TMEM117: variants seen among roughly 807,000 people sequenced by gnomAD.
The protein encoded by TMEM117 is transmembrane protein 117.
Under a neutral mutation model 52.4 loss-of-function variants are expected in TMEM117, and 27 were observed. The ratio of observed to expected loss-of-function variants is 0.51; its 90% confidence interval spans 0.38 to 0.71. TMEM117 has a LOEUF of 0.71. Ranked by LOEUF, TMEM117 falls within the 30% of genes least tolerant of loss-of-function variation. The probability of loss-of-function intolerance (pLI) is 0.00; values close to 1 mark genes in which losing one functional copy is unlikely to be tolerated. For missense variants in TMEM117, 556 were observed against 630.5 expected (o/e 0.88, Z 1.26); for synonymous variants, 215 against 206.3 (o/e 1.04, Z -0.36).
intron 6 of TMEM117, among the ~76,000 whole-genome samples, chr12:44,348,724 G>C (rs1337006265): frequency 6.6e-6 from 1 of 151,860 alleles, no homozygotes; most frequent in Non-Finnish European, 1.5e-5. Context: ...TAAGAAAAGG[G>C]GATATTGGTA....
chr12:44,247,061 T>G (rs1461596905), intron 5 of TMEM117, among the ~76,000 whole-genome samples: 1 of 152,216 alleles, frequency 6.6e-6, no homozygotes, highest in African/African-American at 2.4e-5. Context: ...TTAATAAATT[T>G]GGCACTCTTA....
chr12:43,808,812 G>GAAAAA, the TMEM117 span, among the ~76,000 whole-genome samples: 1 of 80,814 alleles, frequency 1.2e-5, no homozygotes, highest in Admixed American at 1.4e-4. Flanking sequence ...TCAAAGGGGA[G>GAAAAA]AAAAAAAAAA....
chr12:44,342,395 G>A (rs1163983665), intron 6 of TMEM117, among the ~76,000 whole-genome samples: 1 of 152,144 alleles, frequency 6.6e-6, no homozygotes, highest in Non-Finnish European at 1.5e-5. Flanking sequence ...TTGGGAGAAG[G>A]TGGTAAAGCA....
chr12:44,170,170 C>T (rs538453263), intron 4 of TMEM117, among the ~76,000 whole-genome samples: 2 of 151,994 alleles, frequency 1.3e-5, no homozygotes, highest in African/African-American at 4.8e-5. Context: ...TGGAAACCAT[C>T]ATTCTCAGCA....
intron 3 of TMEM117, among the ~76,000 whole-genome samples, chr12:44,074,198 C>T (rs542303946): frequency 1.3e-5 from 2 of 152,232 alleles, no homozygotes; most frequent in South Asian, 4.2e-4. Flanking sequence ...ATACCAGTTG[C>T]ATTATAGTCA....
At chr12:44,092,572 C>T (rs1471076412) in intron 3 of TMEM117, among the ~76,000 whole-genome samples, 1 of 152,176 alleles carries the variant, frequency 6.6e-6, no homozygotes, top group Non-Finnish European at 1.5e-5. Context: ...ACCTCTCGCC[C>T]ACACATAGGA....
intron 3 of TMEM117, among the ~76,000 whole-genome samples, chr12:44,034,973 C>T (rs551857816): frequency 6.6e-6 from 1 of 152,322 alleles, no homozygotes; most frequent in East Asian, 1.9e-4. Flanking sequence ...TGCTTCTCGC[C>T]TTAAGCTGGA....
chr12:44,137,648 C>T (rs1450057102), intron 3 of TMEM117, among the ~76,000 whole-genome samples: 5 of 152,120 alleles, frequency 3.3e-5, no homozygotes, highest in South Asian at 2.1e-4. Flanking sequence ...TCACATCTTA[C>T]GTGGATGGCG....
chr12:44,292,974 C>T (rs551780955), intron 5 of TMEM117, among the ~76,000 whole-genome samples: 9 of 151,884 alleles, frequency 5.9e-5, no homozygotes, highest in South Asian at 2.1e-4. Context: ...TCCATTGTTT[C>T]GTTGTTGATT....
At chr12:43,945,862 G>A (rs138183727) in intron 3 of TMEM117, among the ~76,000 whole-genome samples, 9 of 152,190 alleles carry the variant, frequency 5.9e-5, no homozygotes, top group East Asian at 3.9e-4. Context: ...TTGATGTTAC[G>A]TATAGATTTT....
At chr12:44,163,207 G>T (rs1377874543) in intron 4 of TMEM117, among the ~76,000 whole-genome samples, 1 of 152,152 alleles carries the variant, frequency 6.6e-6, no homozygotes, top group Admixed American at 6.5e-5. Context: ...CCACATTTAA[G>T]AAATAAGATT....
intron 4 of TMEM117, among the ~76,000 whole-genome samples, chr12:44,157,816 A>G (rs930388304): frequency 4.6e-5 from 7 of 152,142 alleles, no homozygotes; most frequent in African/African-American, 1.2e-4. Context: ...CCCATTTATT[A>G]AAATAAGTGA....
At chr12:44,140,587 A>T (rs566275682) in intron 3 of TMEM117, among the ~76,000 whole-genome samples, 10 of 152,126 alleles carry the variant, frequency 6.6e-5, no homozygotes, top group Non-Finnish European at 1.3e-4. Context: ...TATTATGTAT[A>T]AAAGTGTGTA....
At chr12:44,011,648 A>G (rs1472784339) in intron 3 of TMEM117, among the ~76,000 whole-genome samples, 1 of 146,028 alleles carries the variant, frequency 6.8e-6, no homozygotes, top group Non-Finnish European at 1.5e-5. Flanking sequence ...TAATATAACT[A>G]TATTCCTTAC....
At chr12:44,163,565 A>C (rs1948925410) in intron 4 of TMEM117, among the ~76,000 whole-genome samples, 1 of 152,190 alleles carries the variant, frequency 6.6e-6, no homozygotes, top group African/African-American at 2.4e-5. Context: ...ACACTTTGGA[A>C]AGCACTGTAA....
intron 4 of TMEM117, among the ~76,000 whole-genome samples, chr12:44,180,400 T>G (rs138655514): frequency 6.6e-6 from 1 of 151,744 alleles, no homozygotes; most frequent in South Asian, 2.1e-4. Context: ...ATGTGCACAT[T>G]GTGCAGGTTA....
intron 3 of TMEM117, among the ~76,000 whole-genome samples, chr12:44,085,018 T>C (rs959708794): frequency 6.6e-5 from 10 of 152,222 alleles, no homozygotes; most frequent in African/African-American, 2.2e-4. Context: ...CAGCACCTGA[T>C]ATATAGGAAG....
chr12:44,213,421 T>C (rs552102221), intron 5 of TMEM117, among the ~76,000 whole-genome samples: 2 of 152,148 alleles, frequency 1.3e-5, no homozygotes, highest in Non-Finnish European at 2.9e-5. Context: ...CCCACATGGG[T>C]TTTAAAAGTC....
chr12:43,813,241 T>G, the TMEM117 span, among the ~76,000 whole-genome samples: 3 of 133,024 alleles, frequency 2.3e-5, no homozygotes, highest in South Asian at 2.6e-4. Flanking sequence ...GTTTTTTTTT[T>G]TTTTTTTTTT....
Sources: gnomAD v4.1 joint callset for allele counts (sites outside exome capture counted in the v4.1 genomes callset) on GRCh38, gnomAD v4.1.1 for gene constraint, MANE v1.5 for transcripts, NCBI Gene and HGNC (gene_info 2026-07-23, HGNC 2026-07-21) for gene names.